The following CSMD1 variants were observed in gnomAD, a reference collection of about 807,000 sequenced individuals.
CSMD1 encodes the protein CUB and Sushi multiple domains 1.
A neutral mutation model predicts 417.5 loss-of-function variants in CSMD1; 213 were observed. That is an observed-to-expected ratio of 0.51 (90% CI 0.46 to 0.57). The LOEUF is 0.57. CSMD1 is among the 20% of genes least tolerant of loss of function. The pLI is 0.00. For synonymous variants in CSMD1, 2,862 were observed against 1,736.8 expected (o/e 1.65, Z -16.11); for missense variants, 6,923 against 4,529.7 (o/e 1.53, Z -15.17).
intron 5 of CSMD1, among the ~76,000 whole-genome samples, chr8:3,783,017 C>T (rs558988708): frequency 3.3e-5 from 5 of 152,132 alleles, no homozygotes; most frequent in Admixed American, 2.0e-4. Context: ...TATAGCACAT[C>T]GCAAGCACGC....
At position 4,893,030 on chromosome 8, in the gene CSMD1, A is replaced by G. The variant is rs575175663; in HGVS notation, c.85+101302T>C. ...ATCTGTGTTTGTAATTTGCATGGTCAATGTCAAACTGACTTCCAGGAATGA... is the reference window on the plus strand; with the variant it reads ...ATCTGTGTTTGTAATTTGCATGGTCGATGTCAAACTGACTTCCAGGAATGA... On this transcript the variant is annotated intron_variant, in intron 1 of 69. Coordinates refer to ENST00000635120, the MANE Select transcript of CSMD1 (RefSeq NM_033225.6). 1.6e-4 allele frequency among the ~76,000 whole-genome samples: 25 copies of G among 152,266 alleles called. No individual in the cohort carries two copies. The South Asian group carries it at 3.9e-3, about 24-fold the overall frequency.
intron 3 of CSMD1, among the ~76,000 whole-genome samples, chr8:4,101,551 G>C (rs1585315632): frequency 6.6e-6 from 1 of 152,192 alleles, no homozygotes; most frequent in African/African-American, 2.4e-5. Context: ...AATTATGGAT[G>C]TGTAGGAAGT....
intron 3 of CSMD1, among the ~76,000 whole-genome samples, chr8:4,395,969 T>A (rs932841474): frequency 1.3e-5 from 2 of 152,214 alleles, no homozygotes; most frequent in African/African-American, 2.4e-5. Context: ...TAACTTTAGA[T>A]AAATATATTC....
chr8:4,846,963 T>A (rs951879217), intron 1 of CSMD1, among the ~76,000 whole-genome samples: 12 of 149,090 alleles, frequency 8.0e-5, no homozygotes, highest in African/African-American at 3.1e-4. Flanking sequence ...TATGTAGTGA[T>A]TTTTTTTTCA....
At chr8:3,331,777 G>T (rs1049400473) in intron 23 of CSMD1, among the ~76,000 whole-genome samples, 14 of 152,136 alleles carry the variant, frequency 9.2e-5, no homozygotes, top group African/African-American at 3.4e-4. Flanking sequence ...GATCTTTAAA[G>T]TTACCGTGTG....
chr8:3,819,526 T>C (rs1261901372), intron 5 of CSMD1, among the ~76,000 whole-genome samples: 1 of 117,518 alleles, frequency 8.5e-6, no homozygotes, highest in Admixed American at 9.7e-5. Context: ...AAAGCGAAGG[T>C]GATTTCTACA....
intron 5 of CSMD1, among the ~76,000 whole-genome samples, chr8:3,920,371 G>A (rs1355556912): frequency 2.6e-5 from 4 of 151,944 alleles, no homozygotes; most frequent in Admixed American, 6.6e-5. Context: ...GTGTGTGTGT[G>A]TGTTTATGTG....
intron 1 of CSMD1, among the ~76,000 whole-genome samples, chr8:4,643,964 C>T (rs897138506): frequency 1.3e-5 from 2 of 152,182 alleles, no homozygotes; most frequent in Non-Finnish European, 2.9e-5. Flanking sequence ...TCTGGCTCAG[C>T]GCCCTAGGGT....
chr8:4,757,175 C>G (rs1314135141), intron 1 of CSMD1, among the ~76,000 whole-genome samples: 1 of 152,172 alleles, frequency 6.6e-6, no homozygotes, highest in Non-Finnish European at 1.5e-5. Context: ...ATAAACATGA[C>G]TGGATTTACT....
chr8:4,005,510 T>C (rs1035044633), intron 4 of CSMD1, among the ~76,000 whole-genome samples: 1 of 152,232 alleles, frequency 6.6e-6, no homozygotes, highest in Non-Finnish European at 1.5e-5. Flanking sequence ...CATGTGGCGA[T>C]ACACTTGCCT....
chr8:3,253,229 T>A (rs1316764671), intron 26 of CSMD1, among the ~76,000 whole-genome samples: 7 of 152,162 alleles, frequency 4.6e-5, no homozygotes. Flanking sequence ...GTATGTTGTG[T>A]CTTTGCTCTC....
chr8:4,528,765 C>T (rs971650911), intron 2 of CSMD1, among the ~76,000 whole-genome samples: 1 of 141,552 alleles, frequency 7.1e-6, no homozygotes, highest in Non-Finnish European at 1.5e-5. Context: ...GCTGAATTTT[C>T]ACATAAGAGC....
chr8:4,433,438 T>C (rs1797980920), intron 2 of CSMD1, among the ~76,000 whole-genome samples: 1 of 152,056 alleles, frequency 6.6e-6, no homozygotes, highest in South Asian at 2.1e-4. Flanking sequence ...TAGGGCACAT[T>C]AAAGGCAATT....
At chr8:3,161,091 G>C (rs2129039921) in intron 38 of CSMD1, among the ~76,000 whole-genome samples, 1 of 152,176 alleles carries the variant, frequency 6.6e-6, no homozygotes, top group East Asian at 1.9e-4. Context: ...CTGAAGAGCT[G>C]GAATGTCAAT....
At chr8:4,653,654 T>G (rs1344950746) in intron 1 of CSMD1, among the ~76,000 whole-genome samples, 2 of 152,094 alleles carry the variant, frequency 1.3e-5, no homozygotes, top group East Asian at 1.9e-4. Context: ...CTGATCTCAT[T>G]GTGATCCCCA....
intron 7 of CSMD1, among the ~76,000 whole-genome samples, chr8:3,686,015 T>G (rs1015654570): frequency 1.1e-4 from 17 of 152,160 alleles, no homozygotes; most frequent in African/African-American, 4.1e-4. Context: ...TTTCTTTCTG[T>G]ATTTTGTACC....
intron 5 of CSMD1, among the ~76,000 whole-genome samples, chr8:3,821,864 A>G (rs139979357): frequency 1.4e-3 from 216 of 152,308 alleles, no homozygotes; most frequent in Non-Finnish European, 2.3e-3. Flanking sequence ...AATATGGGAA[A>G]GTCACACGGA....
intron 1 of CSMD1, among the ~76,000 whole-genome samples, chr8:4,693,280 G>C (rs1353155711): frequency 6.6e-6 from 1 of 152,222 alleles, no homozygotes; most frequent in Non-Finnish European, 1.5e-5. Context: ...TCATGGAGAG[G>C]TAGATAGGGA....
At chr8:3,833,587 T>C (rs1030286125) in intron 5 of CSMD1, among the ~76,000 whole-genome samples, 1 of 152,134 alleles carries the variant, frequency 6.6e-6, no homozygotes. Context: ...TTTCATAATT[T>C]TGATGATACT....
Sources: gnomAD v4.1 joint callset for allele counts (sites outside exome capture counted in the v4.1 genomes callset) on GRCh38, gnomAD v4.1.1 for gene constraint, MANE v1.5 for transcripts, NCBI Gene and HGNC (gene_info 2026-07-23, HGNC 2026-07-21) for gene names.